The following CFDP1 variants were observed in gnomAD, a reference collection of about 807,000 sequenced individuals.
The protein encoded by CFDP1 is heterochromatin-stabilizing protein CFDP1.
In CFDP1, 31 loss-of-function variants were observed where a neutral mutation model predicts 40.1. The ratio of observed to expected loss-of-function variants is 0.77; its 90% CI spans 0.58 to 1.04. CFDP1 has a LOEUF of 1.04. CFDP1 is among the 50% of genes least tolerant of loss of function. The pLI is 0.00. For missense variants in CFDP1, 423 were observed against 343.4 expected (o/e 1.23, Z -1.83); for synonymous variants, 167 against 120.0 (o/e 1.39, Z -2.56).
intron 5 of CFDP1, among the ~76,000 whole-genome samples, chr16:75,368,104 A>G (rs1003655684): frequency 6.6e-6 from 1 of 152,318 alleles, no homozygotes; most frequent in South Asian, 2.1e-4. Flanking sequence ...TCAAACAAAT[A>G]AAACAAAAAG....
intron 1 of CFDP1, 149 bp downstream of exon 1, chr16:75,433,140 G>C (rs1755154639): frequency 2.8e-6 from 2 of 709,934 alleles, no homozygotes; most frequent in Admixed American, 5.5e-5. Context: ...AGCGGCCGAG[G>C]ATGAGGGGCC....
At chr16:75,307,049 T>C (rs373906363) in intron 5 of CFDP1, among the ~76,000 whole-genome samples, 1 of 152,146 alleles carries the variant, frequency 6.6e-6, no homozygotes, top group African/African-American at 2.4e-5. Context: ...ACCTGGATAA[T>C]TGAACAGCCT....
chr16:75,394,432 T>C (rs2151563524), intron 5 of CFDP1, among the ~76,000 whole-genome samples: 1 of 152,310 alleles, frequency 6.6e-6, no homozygotes, highest in Admixed American at 6.5e-5. Context: ...AGAAAACTAT[T>C]TGTAAATCAT....
intron 4 of CFDP1, among the ~76,000 whole-genome samples, chr16:75,410,984 C>G (rs1344046589): frequency 1.3e-5 from 2 of 151,188 alleles, no homozygotes; most frequent in Non-Finnish European, 2.9e-5. Flanking sequence ...TTTGGGAGGC[C>G]AAGGCGGGTG....
At chr16:75,311,499 T>C (rs1467464170) in intron 5 of CFDP1, among the ~76,000 whole-genome samples, 1 of 152,152 alleles carries the variant, frequency 6.6e-6, no homozygotes, top group Non-Finnish European at 1.5e-5. Context: ...CAAACACTTT[T>C]TCTCATAACA....
chr16:75,359,478 G>A (rs2078667976), intron 5 of CFDP1, among the ~76,000 whole-genome samples: 1 of 152,206 alleles, frequency 6.6e-6, no homozygotes, highest in South Asian at 2.1e-4. Flanking sequence ...TTTTTAGCTA[G>A]TCTATTCAAT....
intron 5 of CFDP1, chr16:75,391,245 G>A (rs907135891): frequency 6.6e-6 from 1 of 152,196 alleles, no homozygotes; most frequent in African/African-American, 2.4e-5. Context: ...AGTAAAAACT[G>A]TGTTAGCTGA....
intron 6 of CFDP1, among the ~76,000 whole-genome samples, chr16:75,296,336 C>CA (rs2078181888): frequency 1.3e-5 from 2 of 152,264 alleles, no homozygotes; most frequent in African/African-American, 4.8e-5. Flanking sequence ...CTCTCAGGCT[C>CA]AAACAATCCT....
chr16:75,296,745 G>A (rs2078185055), intron 6 of CFDP1, among the ~76,000 whole-genome samples: 1 of 152,190 alleles, frequency 6.6e-6, no homozygotes, highest in South Asian at 2.1e-4. Context: ...TGTGCAGGAT[G>A]CAACTGAATT....
chr16:75,429,970 AG>A (rs1338080775), intron 1 of CFDP1, among the ~76,000 whole-genome samples: 1 of 152,174 alleles, frequency 6.6e-6, no homozygotes, highest in East Asian at 1.9e-4. Context: ...TATATATTTT[AG>A]GGAGGCATGA....
At chr16:75,372,331 C>G (rs945577897) in intron 5 of CFDP1, 1 of 152,152 alleles carries the variant, frequency 6.6e-6, no homozygotes, top group Non-Finnish European at 1.5e-5. Flanking sequence ...CATATCTGTT[C>G]ATGAATAACT....
intron 4 of CFDP1, among the ~76,000 whole-genome samples, chr16:75,401,657 G>A (rs957311458): frequency 4.6e-5 from 7 of 152,024 alleles, no homozygotes; most frequent in Admixed American, 2.0e-4. Context: ...TCAGAATGCT[G>A]GTGATAGAGA....
At chr16:75,356,642 C>T (rs1567655571) in intron 5 of CFDP1, among the ~76,000 whole-genome samples, 1 of 152,064 alleles carries the variant, frequency 6.6e-6, no homozygotes, top group Admixed American at 6.6e-5. Context: ...CCTTATCACT[C>T]GAAATTTTGA....
chr16:75,322,904 A>C (rs557484834), intron 5 of CFDP1, among the ~76,000 whole-genome samples: 1 of 152,304 alleles, frequency 6.6e-6, no homozygotes, highest in East Asian at 1.9e-4. Context: ...GCAGGACTGG[A>C]AGTTGCTCTG....
At chr16:75,410,880 G>A (rs2079155140) in intron 4 of CFDP1, among the ~76,000 whole-genome samples, 1 of 137,942 alleles carries the variant, frequency 7.2e-6, no homozygotes, top group Non-Finnish European at 1.5e-5. Context: ...CTGCACTCCA[G>A]CCTGGGCGAC....
intron 4 of CFDP1, among the ~76,000 whole-genome samples, chr16:75,403,190 A>G (rs1228859843): frequency 6.6e-6 from 1 of 152,194 alleles, no homozygotes; most frequent in Non-Finnish European, 1.5e-5. Flanking sequence ...AGTATTTACT[A>G]ACAAGTCCAC....
intron 5 of CFDP1, among the ~76,000 whole-genome samples, chr16:75,390,917 T>C (rs959556589): frequency 2.0e-5 from 3 of 152,248 alleles, no homozygotes; most frequent in South Asian, 4.1e-4. Context: ...CCCTGTGGTT[T>C]TCCACCACTT....
At chr16:75,428,647 A>T (rs1023333805) in intron 1 of CFDP1, among the ~76,000 whole-genome samples, 1 of 151,492 alleles carries the variant, frequency 6.6e-6, no homozygotes, top group Non-Finnish European at 1.5e-5. Context: ...AGAGAAAAAG[A>T]AGGGCGGAGA....
At chr16:75,337,481 G>C (rs1597340098) in intron 5 of CFDP1, among the ~76,000 whole-genome samples, 2 of 152,128 alleles carry the variant, frequency 1.3e-5, no homozygotes, top group East Asian at 3.9e-4. Context: ...TCAATCCCCT[G>C]TCACTGACTG....
Sources: gnomAD v4.1 joint callset for allele counts (sites outside exome capture counted in the v4.1 genomes callset) on GRCh38, gnomAD v4.1.1 for gene constraint, MANE v1.5 for transcripts, NCBI Gene and HGNC (gene_info 2026-07-23, HGNC 2026-07-21) for gene names.